Variants in AKAP12 observed in about 807,000 individuals in gnomAD.
AKAP12 encodes the protein A-kinase anchor protein 12.
In AKAP12, 32 loss-of-function variants were observed where a neutral mutation model predicts 79.9. That is an observed-to-expected ratio of 0.40 (90% CI 0.30 to 0.54). AKAP12 has a LOEUF of 0.54. AKAP12 is among the 20% of genes least tolerant of loss of function. The probability of loss-of-function intolerance (pLI) is 0.48; values close to 1 mark genes in which losing one functional copy is unlikely to be tolerated. For synonymous variants in AKAP12, 808 were observed against 857.0 expected, an observed-to-expected ratio of 0.94 and a Z score of 1.00; for missense variants, 2,074 against 2,177.0, an observed-to-expected ratio of 0.95 and a Z score of 0.94.
chr6:151,320,326 C>T (rs900602981), intron 3 of AKAP12, among the ~76,000 whole-genome samples: 4 of 151,910 alleles, frequency 2.6e-5, no homozygotes, highest in African/African-American at 9.7e-5. Context: ...TGCTGTGTTG[C>T]CCAGGCTGGT....
At chr6:151,288,810 TG>T (rs1582858435) in intron 2 of AKAP12, among the ~76,000 whole-genome samples, 1 of 152,212 alleles carries the variant, frequency 6.6e-6, no homozygotes, top group Non-Finnish European at 1.5e-5. Flanking sequence ...TGTGCTTATT[TG>T]GGGAACGAGG....
chr6:151,283,290 A>C (rs1776441951), intron 2 of AKAP12, among the ~76,000 whole-genome samples: 1 of 152,256 alleles, frequency 6.6e-6, no homozygotes, highest in East Asian at 1.9e-4. Flanking sequence ...CAATGGGTAC[A>C]GACAGCATTG....
chr6:151,304,046 TAGC>T (rs1396861815), intron 2 of AKAP12, among the ~76,000 whole-genome samples: 2 of 152,186 alleles, frequency 1.3e-5, no homozygotes, highest in African/African-American at 4.8e-5. Context: ...ATGGAAATAA[TAGC>T]AGCTGCCTAT....
At chr6:151,273,447 C>T (rs566049411) in intron 2 of AKAP12, among the ~76,000 whole-genome samples, 19 of 152,314 alleles carry the variant, frequency 1.2e-4, no homozygotes, top group African/African-American at 2.6e-4. Flanking sequence ...TGATGACTCT[C>T]GCGTAAATCA....
intron 2 of AKAP12, among the ~76,000 whole-genome samples, chr6:151,278,979 TCTTAA>T (rs1474924954): frequency 2.6e-5 from 4 of 152,244 alleles, no homozygotes; most frequent in Non-Finnish European, 4.4e-5. Flanking sequence ...AGTATCTAGT[TCTTAA>T]CTTAGCATAG....
chr6:151,240,431 G>T lies in AKAP12; in HGVS notation c.-132G>T. 3.0e-6 allele frequency: 3 copies of T among 1,001,484 alleles called. No individual in the cohort carries two copies. Among genetic ancestry groups the T allele is most frequent in the Non-Finnish European group, 3.9e-6 (3 of 766,902 alleles). The allele number at this position is 1,001,484 out of a possible 1,614,324, so 62.0% of individuals were successfully genotyped here. On this transcript the variant is annotated 5_prime_UTR_variant, in exon 2 of 5. Coordinates refer to ENST00000402676, the MANE Select transcript of AKAP12 (RefSeq NM_005100.4). Reference sequence around the variant, plus strand: ...CTTCATTCGCAGGCTGGGCGCGTTCGCAGTCGGCTGGCGGCGAAGGAAGGC... The same window carrying T: ...CTTCATTCGCAGGCTGGGCGCGTTCTCAGTCGGCTGGCGGCGAAGGAAGGC...
At chr6:151,311,773 G>A (rs961732204) in intron 3 of AKAP12, among the ~76,000 whole-genome samples, 2 of 152,176 alleles carry the variant, frequency 1.3e-5, no homozygotes, top group Non-Finnish European at 2.9e-5. Context: ...CTGGGAAACA[G>A]AAAGGCCGAA....
chr6:151,345,932 T>TGAGAGAGAGAGAGAGAGAGA (rs56202215), intron 3 of AKAP12, among the ~76,000 whole-genome samples: 12 of 101,442 alleles, frequency 1.2e-4, no homozygotes, highest in African/African-American at 3.9e-4. Flanking sequence ...TGTGTGTGTG[T>TGAGAGAGAGAGAGAGAGAGA]GAGAGAGAGA....
chr6:151,258,251 A>T (rs1797340657), intron 2 of AKAP12, among the ~76,000 whole-genome samples: 1 of 152,212 alleles, frequency 6.6e-6, no homozygotes, highest in African/African-American at 2.4e-5. Flanking sequence ...TCTTGAATGG[A>T]GTTGCAAATT....
chr6:151,327,117 C>CT (rs1777549235), intron 3 of AKAP12, among the ~76,000 whole-genome samples: 2 of 94,424 alleles, frequency 2.1e-5, no homozygotes, highest in African/African-American at 1.3e-4. Flanking sequence ...ACCTGGCCTA[C>CT]ATTTTTTTTT....
At position 151,268,945 on chromosome 6, in the gene AKAP12, G is replaced by GTTTT. The variant is rs558502756; in HGVS notation, c.162+28252_162+28255dup. On this transcript the variant is annotated intron_variant, in intron 2 of 4. Transcript: ENST00000402676. ...AGGCATGAGCCACCGTGCTCGGCCT[G>GTTTT]TTTTTTTTTTTTTTTTTTTTTTTTT... Among the ~76,000 whole-genome samples, 249 of 77,380 alleles carry GTTTT rather than the reference G, an allele frequency of 3.2e-3. 45 individuals are homozygous for GTTTT. Among genetic ancestry groups the GTTTT allele is most frequent in the South Asian group, 4.6e-3 (10 of 2,170 alleles). 50.8% of individuals were successfully genotyped at this position (77,380 alleles called of 152,430 possible).
At chr6:151,252,187 T>A (rs1352684155) in intron 2 of AKAP12, among the ~76,000 whole-genome samples, 3 of 151,326 alleles carry the variant, frequency 2.0e-5, no homozygotes, top group Non-Finnish European at 4.4e-5. Context: ...CAGCTGAAGG[T>A]CAAGTTTCTT....
intron 2 of AKAP12, among the ~76,000 whole-genome samples, chr6:151,300,077 C>G (rs1291294428): frequency 2.0e-5 from 3 of 152,100 alleles, no homozygotes; most frequent in Non-Finnish European, 4.4e-5. Flanking sequence ...GATTTGTACT[C>G]TGGTTTTTAT....
At chr6:151,299,782 G>T (rs1776818389) in intron 2 of AKAP12, among the ~76,000 whole-genome samples, 1 of 148,894 alleles carries the variant, frequency 6.7e-6, no homozygotes, top group African/African-American at 2.5e-5. Flanking sequence ...CTATTATGAA[G>T]TATTTATTAC....
At chr6:151,298,936 A>T (rs551232575) in intron 2 of AKAP12, 1 of 152,278 alleles carries the variant, frequency 6.6e-6, no homozygotes, top group African/African-American at 2.4e-5. Flanking sequence ...GACCAGCCTA[A>T]AAATGAATTC....
intron 2 of AKAP12, among the ~76,000 whole-genome samples, chr6:151,295,353 A>G (rs1776702084): frequency 6.6e-6 from 1 of 152,184 alleles, no homozygotes; most frequent in Non-Finnish European, 1.5e-5. Flanking sequence ...CTCATGTCTA[A>G]AGATGAGTTT....
chr6:151,262,479 A>G (rs562154512), intron 2 of AKAP12, among the ~76,000 whole-genome samples: 110 of 152,242 alleles, frequency 7.2e-4, no homozygotes, highest in African/African-American at 2.6e-3. Flanking sequence ...CAGAATCTTG[A>G]TCATATTTAT....
intron 3 of AKAP12, among the ~76,000 whole-genome samples, chr6:151,346,425 GA>G (rs1778105473): frequency 6.6e-6 from 1 of 151,654 alleles, no homozygotes; most frequent in Non-Finnish European, 1.5e-5. Flanking sequence ...GTTTCTGCTG[GA>G]TTTTCATCCT....
Position 151,351,815 on chromosome 6 carries a change from G to A in AKAP12, c.3424G>A (p.Glu1142Lys), listed in dbSNP as rs200662204. 684 of 1,614,064 alleles carry A rather than the reference G, an allele frequency of 4.2e-4. No individual in the cohort carries two copies. The highest frequency in any genetic ancestry group is 5.4e-4 in the Non-Finnish European group (640 of 1,180,002). ...SSELVTTCQA[E>K]TLAGVKSQEM... ...TGAGCTTGTAACCACTTGTCAAGCC[G>A]AAACCTTAGCTGGGGTAAAATCACA... Residue 1142 changes from glutamate (E) to lysine (K), a missense_variant, in exon 4 of 5, where the codon GAA (glutamate) becomes AAA (lysine). By Grantham distance (56) the Glu-to-Lys change is moderately conservative (BLOSUM62 1). Coordinates refer to ENST00000402676, the MANE Select transcript of AKAP12 (RefSeq NM_005100.4). The surrounding 1 kb of genome is among the most constrained non-coding windows in gnomAD (Gnocchi z 4.4).
Sources: gnomAD v4.1 joint callset for allele counts (sites outside exome capture counted in the v4.1 genomes callset) on GRCh38, gnomAD v4.1.1 for gene constraint, Gnocchi (gnomAD v3.1) non-coding constraint, MANE v1.5 for transcripts, NCBI Gene and HGNC (gene_info 2026-07-23, HGNC 2026-07-21) for gene names.